The following CACNA2D1 variants were observed in gnomAD, a reference collection of about 807,000 sequenced individuals.
CACNA2D1 encodes the protein voltage-dependent calcium channel subunit alpha-2/delta-1.
In CACNA2D1, 53 loss-of-function variants were observed where a neutral mutation model predicts 171.5. The ratio of observed to expected loss-of-function variants is 0.31; its 90% CI spans 0.25 to 0.39. The LOEUF (loss-of-function observed/expected upper bound fraction) is 0.39. Among genes scored for constraint, CACNA2D1 ranks in the 10% least tolerant of loss-of-function variants. CACNA2D1 has a pLI of 1.00. For synonymous variants in CACNA2D1, 442 were observed against 443.1 expected (o/e 1.00, Z 0.03); for missense variants, 903 against 1,299.8 (o/e 0.69, Z 4.69).
chr7:82,288,665 T>G (rs2129391299), intron 3 of CACNA2D1, among the ~76,000 whole-genome samples: 1 of 152,300 alleles, frequency 6.6e-6, no homozygotes, highest in Non-Finnish European at 1.5e-5. Context: ...TTTTAATTAT[T>G]TAGAACAGCA....
At chr7:82,110,579 A>G (rs1303652332) in intron 6 of CACNA2D1, among the ~76,000 whole-genome samples, 1 of 152,202 alleles carries the variant, frequency 6.6e-6, no homozygotes, top group African/African-American at 2.4e-5. Flanking sequence ...GCTGTGGCTG[A>G]CATGGCGTCT....
intron 7 of CACNA2D1, among the ~76,000 whole-genome samples, chr7:82,076,613 C>T (rs1307781658): frequency 6.6e-6 from 1 of 152,068 alleles, no homozygotes; most frequent in Non-Finnish European, 1.5e-5. Flanking sequence ...CCACATCTGA[C>T]CATTAAAATA....
At chr7:82,102,285 G>T (rs1425082799) in intron 6 of CACNA2D1, among the ~76,000 whole-genome samples, 2 of 151,810 alleles carry the variant, frequency 1.3e-5, no homozygotes, top group East Asian at 1.9e-4. Context: ...TAAAAATTTT[G>T]ATTTTGAAAC....
chr7:82,016,614 C>T (rs796391578), intron 12 of CACNA2D1, among the ~76,000 whole-genome samples: 1 of 122,152 alleles, frequency 8.2e-6, no homozygotes, highest in Non-Finnish European at 1.7e-5. Context: ...CCGCCCGCCC[C>T]CCCCCCCCAA....
intron 3 of CACNA2D1, among the ~76,000 whole-genome samples, chr7:82,193,277 C>G (rs1034464216): frequency 6.6e-6 from 1 of 151,930 alleles, no homozygotes; most frequent in Non-Finnish European, 1.5e-5. Context: ...TGCACATTTA[C>G]AGATTACCTA....
chr7:82,399,026 T>C (rs932692453), intron 1 of CACNA2D1, among the ~76,000 whole-genome samples: 3 of 152,142 alleles, frequency 2.0e-5, no homozygotes. Flanking sequence ...CCTTCTACAT[T>C]TGAATCACCA....
At chr7:82,221,543 G>C (rs1338091482) in intron 3 of CACNA2D1, among the ~76,000 whole-genome samples, 1 of 152,032 alleles carries the variant, frequency 6.6e-6, no homozygotes, top group African/African-American at 2.4e-5. Context: ...TCAGGAATTT[G>C]AGACCAGCCT....
chr7:82,075,486 G>A (rs1460885140), intron 7 of CACNA2D1, among the ~76,000 whole-genome samples: 1 of 152,144 alleles, frequency 6.6e-6, no homozygotes, highest in African/African-American at 2.4e-5. Context: ...GTGTTGGGGA[G>A]GATTTACTGG....
intron 19 of CACNA2D1, among the ~76,000 whole-genome samples, chr7:81,995,801 A>AAAAT (rs1163374247): frequency 1.1e-4 from 5 of 44,210 alleles, no homozygotes; most frequent in African/African-American, 6.6e-4. Context: ...TCCACCTCAA[A>AAAAT]AAAAAAAAAA....
At chr7:82,237,964 T>C (rs1047400261) in intron 3 of CACNA2D1, among the ~76,000 whole-genome samples, 3 of 151,638 alleles carry the variant, frequency 2.0e-5, no homozygotes, top group Admixed American at 6.6e-5. Context: ...TTACTCATGG[T>C]TGCTTATAGT....
intron 10 of CACNA2D1, among the ~76,000 whole-genome samples, chr7:82,040,299 T>C (rs912010772): frequency 6.6e-6 from 1 of 152,038 alleles, no homozygotes; most frequent in Non-Finnish European, 1.5e-5. Context: ...GAGGGATGAC[T>C]GGTTCAGGGA....
At chr7:82,397,206 C>G (rs939007006) in intron 1 of CACNA2D1, among the ~76,000 whole-genome samples, 7 of 152,140 alleles carry the variant, frequency 4.6e-5, no homozygotes, top group Non-Finnish European at 1.0e-4. Context: ...TGGTCTTTCT[C>G]CAACTAACAA....
At chr7:82,079,901 A>G (rs184339589) in intron 7 of CACNA2D1, among the ~76,000 whole-genome samples, 1 of 152,016 alleles carries the variant, frequency 6.6e-6, no homozygotes, top group Non-Finnish European at 1.5e-5. Context: ...AATAATAACT[A>G]TGTTAGGTGA....
intron 4 of CACNA2D1, among the ~76,000 whole-genome samples, chr7:82,162,083 T>A (rs1008392166): frequency 6.6e-6 from 1 of 151,962 alleles, no homozygotes; most frequent in Non-Finnish European, 1.5e-5. Flanking sequence ...TGAAGATAAA[T>A]AGAACATGCT....
chr7:82,159,854 G>A (rs1410719401), intron 4 of CACNA2D1, among the ~76,000 whole-genome samples: 1 of 66,562 alleles, frequency 1.5e-5, no homozygotes, highest in East Asian at 3.7e-4. Context: ...GTAATAAAGA[G>A]AAAATACCAG....
chr7:82,412,336 G>A (rs995819295), intron 1 of CACNA2D1, among the ~76,000 whole-genome samples: 1 of 145,248 alleles, frequency 6.9e-6, no homozygotes, highest in South Asian at 2.2e-4. Flanking sequence ...AGGCTGGAGT[G>A]CAAAGACACA....
At chr7:82,051,482 T>C (rs1936807061) in intron 10 of CACNA2D1, among the ~76,000 whole-genome samples, 2 of 151,952 alleles carry the variant, frequency 1.3e-5, no homozygotes, top group Admixed American at 1.3e-4. Flanking sequence ...TTTTTTCTGG[T>C]AAAAAATCAA....
At chr7:82,293,707 T>C (rs765345391) in intron 3 of CACNA2D1, among the ~76,000 whole-genome samples, 18 of 152,198 alleles carry the variant, frequency 1.2e-4, no homozygotes, top group Non-Finnish European at 2.5e-4. Context: ...CAGAGCTTCT[T>C]GGGTTCAACC....
chr7:82,048,989 T>C (rs1163309188), intron 10 of CACNA2D1, among the ~76,000 whole-genome samples: 3 of 152,014 alleles, frequency 2.0e-5, no homozygotes, highest in Non-Finnish European at 2.9e-5. Flanking sequence ...TTTTTACATA[T>C]ACGACGAATT....
Sources: gnomAD v4.1 joint callset for allele counts (sites outside exome capture counted in the v4.1 genomes callset) on GRCh38, gnomAD v4.1.1 for gene constraint, MANE v1.5 for transcripts, NCBI Gene and HGNC (gene_info 2026-07-23, HGNC 2026-07-21) for gene names.